Variants in RIMS2 observed in about 807,000 individuals in gnomAD.
The protein encoded by RIMS2 is regulating synaptic membrane exocytosis protein 2.
A neutral mutation model predicts 174.4 loss-of-function variants in RIMS2; 59 were observed. That is an observed-to-expected ratio of 0.34 (90% CI 0.27 to 0.42). The LOEUF (loss-of-function observed/expected upper bound fraction) is 0.42. Among genes scored for constraint, RIMS2 ranks in the 10% least tolerant of loss-of-function variants. RIMS2 has a pLI of 1.00. For missense variants in RIMS2, 1,620 were observed against 1,666.3 expected, an observed-to-expected ratio of 0.97 and a Z score of 0.48; for synonymous variants, 606 against 572.5, an observed-to-expected ratio of 1.06 and a Z score of -0.84.
At chr8:104,035,381 A>G (rs1291762950) in intron 19 of RIMS2, among the ~76,000 whole-genome samples, 2 of 152,004 alleles carry the variant, frequency 1.3e-5, no homozygotes, top group African/African-American at 2.4e-5. Flanking sequence ...TAATATTTTA[A>G]TGTGTACATA....
At chr8:104,225,171 G>T (rs2099178636) in intron 19 of RIMS2, among the ~76,000 whole-genome samples, 2 of 151,888 alleles carry the variant, frequency 1.3e-5, no homozygotes, top group African/African-American at 2.4e-5. Context: ...ATTCTTTTAG[G>T]CCCACAACAA....
chr8:103,549,061 G>C (rs928502809), intron 1 of RIMS2, among the ~76,000 whole-genome samples: 2 of 152,108 alleles, frequency 1.3e-5, no homozygotes, highest in East Asian at 3.9e-4. Context: ...TGATGGATAG[G>C]AGAATCAATA....
chr8:104,092,361 G>T (rs968770767), intron 19 of RIMS2, among the ~76,000 whole-genome samples: 2 of 151,742 alleles, frequency 1.3e-5, no homozygotes, highest in South Asian at 4.1e-4. Flanking sequence ...ATTCTCCTTT[G>T]CAAAATTAAC....
intron 19 of RIMS2, among the ~76,000 whole-genome samples, chr8:104,129,994 T>A (rs72685009): frequency 0.043 from 6,580 of 152,340 alleles, 169 homozygotes; most frequent in Middle Eastern, 0.14. Flanking sequence ...CATTTCTAAA[T>A]GCAGCTTGAA....
At chr8:104,080,617 G>T (rs2097398586) in intron 19 of RIMS2, among the ~76,000 whole-genome samples, 1 of 151,920 alleles carries the variant, frequency 6.6e-6, no homozygotes, top group South Asian at 2.1e-4. Context: ...AGTCAATAAA[G>T]TCAGTCATCC....
intron 19 of RIMS2, among the ~76,000 whole-genome samples, chr8:104,166,059 CTTTTTTTTTTTTTT>C (rs560648211): frequency 2.0e-5 from 2 of 97,854 alleles, no homozygotes; most frequent in African/African-American, 7.8e-5. Context: ...TTTTGGATTT[CTTTTTTTTTTTTTT>C]TTTTTTTTTT....
chr8:103,806,581 G>A (rs918540562), intron 3 of RIMS2, among the ~76,000 whole-genome samples: 1 of 151,864 alleles, frequency 6.6e-6, no homozygotes, highest in African/African-American at 2.4e-5. Context: ...AGATACTATT[G>A]TAGGGTTTAA....
chr8:103,663,445 A>T (rs1350503533), intron 1 of RIMS2, among the ~76,000 whole-genome samples: 2 of 152,208 alleles, frequency 1.3e-5, no homozygotes, highest in Admixed American at 1.3e-4. Context: ...AAGTCTCAGG[A>T]TACAAAATCA....
chr8:103,612,132 T>C (rs2095390859), intron 1 of RIMS2, among the ~76,000 whole-genome samples: 1 of 152,228 alleles, frequency 6.6e-6, no homozygotes, highest in African/African-American at 2.4e-5. Context: ...GCTTGATTTT[T>C]TAAAATTATT....
chr8:104,213,190 T>A (rs548987299), intron 19 of RIMS2, among the ~76,000 whole-genome samples: 1 of 152,262 alleles, frequency 6.6e-6, no homozygotes, highest in South Asian at 2.1e-4. Flanking sequence ...CACATACCTA[T>A]AATCTCAGCT....
intron 19 of RIMS2, chr8:104,148,714 G>T: frequency 6.3e-7 from 1 of 1,598,232 alleles, no homozygotes. Context: ...AAGAATGATG[G>T]CAGCCAGTCT....
At chr8:103,743,545 C>T (rs371027390) in intron 2 of RIMS2, among the ~76,000 whole-genome samples, 17 of 123,666 alleles carry the variant, frequency 1.4e-4, no homozygotes, top group East Asian at 7.6e-4. Context: ...TTTGTCATAT[C>T]GTATAATTAG....
intron 17 of RIMS2, among the ~76,000 whole-genome samples, chr8:104,010,303 A>C (rs928142655): frequency 1.3e-5 from 2 of 152,168 alleles, no homozygotes; most frequent in South Asian, 2.1e-4. Flanking sequence ...ATGATTATAA[A>C]ATTATTTTTC....
intron 19 of RIMS2, among the ~76,000 whole-genome samples, chr8:104,083,458 T>A (rs1408135277): frequency 6.6e-6 from 1 of 152,190 alleles, no homozygotes; most frequent in Non-Finnish European, 1.5e-5. Flanking sequence ...TTCTATACCC[T>A]ATATCCCAAT....
intron 14 of RIMS2, among the ~76,000 whole-genome samples, chr8:103,945,325 A>C (rs781601264): frequency 6.6e-6 from 1 of 152,104 alleles, no homozygotes; most frequent in Non-Finnish European, 1.5e-5. Flanking sequence ...TCTTCCCACA[A>C]AGAAAAACCT....
At chr8:103,808,712 T>C (rs57397838) in intron 3 of RIMS2, among the ~76,000 whole-genome samples, 23,902 of 152,120 alleles carry the variant, frequency 0.16, 1,987 homozygotes, top group Middle Eastern at 0.24. Context: ...CTATCTTGAC[T>C]GTGACCAATC....
At chr8:104,103,353 A>T (rs1005319269) in intron 19 of RIMS2, among the ~76,000 whole-genome samples, 2 of 152,188 alleles carry the variant, frequency 1.3e-5, no homozygotes, top group Non-Finnish European at 2.9e-5. Context: ...CTACTGAATC[A>T]TATACTTTAA....
At chr8:103,896,774 AAC>A (rs1565180568) in intron 4 of RIMS2, among the ~76,000 whole-genome samples, 3 of 151,608 alleles carry the variant, frequency 2.0e-5, no homozygotes, top group African/African-American at 7.3e-5. Flanking sequence ...TGGGATTCTG[AAC>A]CAGTGCACCT....
At chr8:104,013,400 G>C in intron 17 of RIMS2, 42 bp from the exon 20 acceptor site, 1 of 1,531,182 alleles carries the variant, frequency 6.5e-7, no homozygotes, top group Non-Finnish European at 9.0e-7. Flanking sequence ...TAGCAGAAGG[G>C]CACTAAAGAT....
Sources: allele counts gnomAD v4.1 joint callset (sites outside exome capture counted in the v4.1 genomes callset), GRCh38; gene constraint gnomAD v4.1.1; transcripts MANE v1.5; gene names NCBI Gene and HGNC (gene_info 2026-07-23, HGNC 2026-07-21).